UNC5B: variants seen among roughly 807,000 people sequenced by gnomAD.
The protein encoded by UNC5B is unc-5 netrin receptor B.
UNC5B carries 56 observed loss-of-function variants against 103.7 expected under a neutral mutation model. That is an observed-to-expected ratio of 0.54 (90% CI 0.44 to 0.67). UNC5B has a LOEUF of 0.67. Among genes scored for constraint, UNC5B ranks in the 30% least tolerant of loss-of-function variants. The pLI, the probability that UNC5B is intolerant of heterozygous loss-of-function variation, is 0.00. For synonymous variants in UNC5B, 577 were observed against 542.0 expected (o/e 1.06, Z -0.90); for missense variants, 1,194 against 1,284.5 (o/e 0.93, Z 1.08).
rs1256995169 is a variant in UNC5B, at chr10:71,300,015, A to T, written c.*738A>T. 1 of 147,688 alleles carries T rather than the reference A, an allele frequency of 6.8e-6. No individual in the cohort carries two copies. Among genetic ancestry groups the T allele is most frequent in the South Asian group, 2.2e-4 (1 of 4,608 alleles). 9.1% of individuals were successfully genotyped at this position (147,688 alleles called of 1,614,324 possible). A position where few individuals can be genotyped will look rare whatever the true frequency, so the allele number is the denominator to read the frequency against. ...AATGGGCACGCTCACACTTCTGGCCAGGAGTGAATGTGCCTGTGTGTGTGT... is the reference window on the plus strand; with the variant it reads ...AATGGGCACGCTCACACTTCTGGCCTGGAGTGAATGTGCCTGTGTGTGTGT... On this transcript the variant is annotated 3_prime_UTR_variant, in exon 17 of 17. Coordinates refer to ENST00000335350, the MANE Select transcript of UNC5B (RefSeq NM_170744.5).
Position 71,212,934 on chromosome 10 carries a change from G to T in UNC5B, c.-52G>T. 8.1e-7 allele frequency: 1 copy of T among 1,239,890 alleles called. No individual in the cohort carries two copies. Among genetic ancestry groups the T allele is most frequent in the Non-Finnish European group, 1.0e-6 (1 of 983,456 alleles). The allele number at this position is 1,239,890 out of a possible 1,614,324, so 76.8% of individuals were successfully genotyped here. A position where few individuals can be genotyped will look rare whatever the true frequency, so the allele number is the denominator to read the frequency against. ...GGCGGAGACGGCGGCGGCGAGACTG[G>T]GGCCAGGGAGACAGCCCTGGGGGAG... is the stretch of plus-strand genomic sequence containing the variant. On this transcript the variant is annotated 5_prime_UTR_variant, in exon 1 of 17. Transcript: ENST00000335350.
chr10:71,215,763 T>A (rs1411586014), intron 1 of UNC5B, among the ~76,000 whole-genome samples: 1 of 151,988 alleles, frequency 6.6e-6, no homozygotes, highest in Non-Finnish European at 1.5e-5. Flanking sequence ...ATACTTCTTT[T>A]TAAGGTGCAA....
At chr10:71,254,813 G>A (rs1844254635) in intron 1 of UNC5B, among the ~76,000 whole-genome samples, 1 of 152,232 alleles carries the variant, frequency 6.6e-6, no homozygotes. Context: ...GGCGCCCTTA[G>A]AAACAACACC....
intron 3 of UNC5B, 105 bp downstream of exon 3, chr10:71,284,968 G>A (rs1330545130): frequency 6.8e-7 from 1 of 1,473,858 alleles, no homozygotes; most frequent in Non-Finnish European, 9.0e-7. Flanking sequence ...AGCATCCCTG[G>A]CTGAGGATGC....
At chr10:71,277,557 C>T (rs186723752) in intron 1 of UNC5B, among the ~76,000 whole-genome samples, 331 of 152,352 alleles carry the variant, frequency 2.2e-3, no homozygotes, top group Non-Finnish European at 3.3e-3. Flanking sequence ...CATCTCAGGG[C>T]ATGCACAGCA....
Position 71,300,087 on chromosome 10 carries a change from G to C in UNC5B, c.*810G>C, listed in dbSNP as rs1845554534. The stretch of plus-strand genomic sequence containing the variant: ...TACATGTACGCGTGTGCATTGAGGA[G>C]AGAGAGACTGAACAGAGAGTACTTT... On this transcript the variant is annotated 3_prime_UTR_variant, in exon 17 of 17. Coordinates refer to ENST00000335350, the MANE Select transcript of UNC5B (RefSeq NM_170744.5). 6.6e-6 allele frequency: 1 copy of C among 151,946 alleles called. No individual in the cohort carries two copies. The highest frequency in any genetic ancestry group is 1.5e-5 in the Non-Finnish European group (1 of 68,068). 9.4% of individuals were successfully genotyped at this position (151,946 alleles called of 1,614,324 possible). A position where few individuals can be genotyped will look rare whatever the true frequency, so the allele number is the denominator to read the frequency against.
intron 1 of UNC5B, among the ~76,000 whole-genome samples, chr10:71,251,956 A>T (rs1844183740): frequency 6.6e-6 from 1 of 152,210 alleles, no homozygotes; most frequent in Admixed American, 6.5e-5. Context: ...CAGGTGTGAC[A>T]TCTTTGTAAG....
At chr10:71,294,722 G>C (rs1845362608) in intron 13 of UNC5B, among the ~76,000 whole-genome samples, 1 of 152,040 alleles carries the variant, frequency 6.6e-6, no homozygotes, top group Non-Finnish European at 1.5e-5. Flanking sequence ...GGTGCCCCAA[G>C]TGAAGGAAGG....
rs1203787219 is a variant in UNC5B at position 71,285,448 on chromosome 10, A to T, written c.552+19A>T. 6.4e-7 allele frequency: 1 copy of T among 1,560,274 alleles called. No individual in the cohort carries two copies. The highest frequency in any genetic ancestry group is 1.2e-5 in the South Asian group (1 of 85,116). Reference sequence around the variant, plus strand: ...GGCCGAGGTGAGCGGGGACGTAGGGACCACTGAGCACGGCCCTGTGGCCAT... The same window carrying T: ...GGCCGAGGTGAGCGGGGACGTAGGGTCCACTGAGCACGGCCCTGTGGCCAT... On this transcript the variant is annotated intron_variant, in intron 4 of 16. Coordinates refer to ENST00000335350, the MANE Select transcript of UNC5B (RefSeq NM_170744.5).
In UNC5B at chr10:71,302,355, A is replaced by C. The variant is rs961820650; in HGVS notation, c.*3078A>C. On this transcript the variant is annotated 3_prime_UTR_variant, in exon 17 of 17. Coordinates refer to ENST00000335350, the MANE Select transcript of UNC5B (RefSeq NM_170744.5). ...TCGGAGAGCATGTGCACGTGTCCCCACCTGAGCGAGCGTGTGTGTGTGCTC... is the reference window on the plus strand; with the variant it reads ...TCGGAGAGCATGTGCACGTGTCCCCCCCTGAGCGAGCGTGTGTGTGTGCTC... 5 of 151,948 alleles carry C rather than the reference A, an allele frequency of 3.3e-5. No individual in the cohort carries two copies. The highest frequency in any genetic ancestry group is 1.2e-4 in the African/African-American group (5 of 41,272). The allele number at this position is 151,948 out of a possible 1,614,324, so 9.4% of individuals were successfully genotyped here.
chr10:71,296,463 G>A, intron 14 of UNC5B, 115 bp from the exon 15 acceptor site: 2 of 1,217,996 alleles, frequency 1.6e-6, no homozygotes, highest in Non-Finnish European at 2.3e-6. Flanking sequence ...CTCCCTATCT[G>A]GGTGGAGAGG....
intron 1 of UNC5B, among the ~76,000 whole-genome samples, chr10:71,230,397 T>G (rs1468058854): frequency 6.6e-6 from 1 of 152,204 alleles, no homozygotes; most frequent in Non-Finnish European, 1.5e-5. Context: ...CTAGCCCTCC[T>G]GGCTATACCA....
intron 1 of UNC5B, among the ~76,000 whole-genome samples, chr10:71,224,369 A>ATG (rs1564705417): frequency 1.2e-5 from 1 of 83,596 alleles, no homozygotes; most frequent in East Asian, 6.5e-4. Context: ...ATGTAGACAC[A>ATG]CACACACACA....
rs116196875 is a variant in UNC5B at position 71,259,926 on chromosome 10, G to A, written c.80-19895G>A. Among the ~76,000 whole-genome samples the A allele has an allele frequency of 2.5e-3, 377 of 152,360 alleles. 2 individuals carry two copies. The highest frequency in any genetic ancestry group is 8.5e-3 in the African/African-American group (353 of 41,594). Reference sequence around the variant, plus strand: ...AGGGGCAGCTCGGAGTCTGCCCATCGTGGCTGTGGGAACACTGCCTGCTGG... The same window carrying A: ...AGGGGCAGCTCGGAGTCTGCCCATCATGGCTGTGGGAACACTGCCTGCTGG... On this transcript the variant is annotated intron_variant, in intron 1 of 16. Coordinates refer to ENST00000335350, the MANE Select transcript of UNC5B (RefSeq NM_170744.5).
chr10:71,286,639 G>C (rs766990503), intron 4 of UNC5B, 50 bp from the exon 5 acceptor site: 1 of 1,605,420 alleles, frequency 6.2e-7, no homozygotes, highest in South Asian at 1.1e-5. Flanking sequence ...TTCTGTTTAT[G>C]ATCAAACCTG....
At chr10:71,269,497 A>G (rs991783339) in intron 1 of UNC5B, among the ~76,000 whole-genome samples, 2 of 151,998 alleles carry the variant, frequency 1.3e-5, no homozygotes, top group Admixed American at 6.5e-5. Context: ...AAGTTCCATC[A>G]GTTAGTGGAG....
intron 1 of UNC5B, among the ~76,000 whole-genome samples, chr10:71,232,346 T>C (rs1474448018): frequency 1.3e-5 from 2 of 152,242 alleles, no homozygotes; most frequent in Admixed American, 1.3e-4. Flanking sequence ...ATATGAGAAG[T>C]AGCAATCTTG....
chr10:71,280,617 G>A (rs147786949), intron 2 of UNC5B, among the ~76,000 whole-genome samples: 3 of 152,176 alleles, frequency 2.0e-5, no homozygotes, highest in African/African-American at 7.2e-5. Context: ...TGGGAAACTC[G>A]AGGAAGCCTG....
At chr10:71,215,842 T>C (rs371576083) in intron 1 of UNC5B, among the ~76,000 whole-genome samples, 7 of 141,948 alleles carry the variant, frequency 4.9e-5, no homozygotes, top group Admixed American at 1.4e-4. Flanking sequence ...TGTGTGTGTG[T>C]GCTCGCGTGC....
Sources: allele counts gnomAD v4.1 joint callset (sites outside exome capture counted in the v4.1 genomes callset), GRCh38; gene constraint gnomAD v4.1.1; transcripts MANE v1.5; gene names NCBI Gene and HGNC (gene_info 2026-07-23, HGNC 2026-07-21).